Variants in NFILZ observed in about 807,000 individuals in gnomAD.
The protein encoded by NFILZ is NFIL3 like basic leucine zipper.
At position 8,668,343 on chromosome 19, in the gene NFILZ, C is replaced by G. The variant is rs782247652; in HGVS notation, c.-163-6208C>G. On this transcript the variant is annotated intron_variant, in intron 3 of 5. Coordinates refer to ENST00000691075, the MANE Select transcript of NFILZ (RefSeq NM_001378600.1). ...TTTTCAATCTGTGGTTGGTTGAATC[C>G]ATGGATATGGAACCCGAGGATACAG... Among the ~76,000 whole-genome samples the G allele has an allele frequency of 1.4e-4, 20 of 147,664 alleles. No individual in the cohort carries two copies. In the East Asian group the frequency reaches 1.9e-3, roughly 14 times the overall value.
intron 3 of NFILZ, among the ~76,000 whole-genome samples, chr19:8,660,563 C>T (rs2043024973): frequency 7.7e-6 from 1 of 129,138 alleles, no homozygotes; most frequent in Non-Finnish European, 1.7e-5. Context: ...CTCCTTCCTT[C>T]CTTCCTCCCC....
chr19:8,652,993 TTCCTTCCTTCCTTCCTTC>T (rs2042973198), intron 3 of NFILZ, among the ~76,000 whole-genome samples: 13 of 41,658 alleles, frequency 3.1e-4, no homozygotes, highest in African/African-American at 9.0e-4. Context: ...CCTTCCTTCC[TTCCTTCCTTCCTTCCTTC>T]CTTTCTTTCT....
At chr19:8,660,216 C>T (rs1050048250) in intron 3 of NFILZ, among the ~76,000 whole-genome samples, 12 of 152,266 alleles carry the variant, frequency 7.9e-5, no homozygotes, top group African/African-American at 2.9e-4. Flanking sequence ...CTCTCTGGGC[C>T]TCCGGGGGAA....
chr19:8,653,038 T>TTCTCTCTCCCTCTCTCTCTCTC (rs2042975354), intron 3 of NFILZ, among the ~76,000 whole-genome samples: 4 of 90,594 alleles, frequency 4.4e-5, no homozygotes, highest in Admixed American at 1.3e-4. Context: ...CTTTCTTTCT[T>TTCTCTCTCCCTCTCTCTCTCTC]TCTCTCTCTC....
At position 8,656,299 on chromosome 19, in the gene NFILZ, C is replaced by CTTCCCTGAAGCCCACCTT. The variant is rs2042994727; in HGVS notation, c.-163-18252_-163-18251insTTCCCTGAAGCCCACCTT. Among the ~76,000 whole-genome samples, 298 of 138,154 alleles carry CTTCCCTGAAGCCCACCTT rather than the reference C, an allele frequency of 2.2e-3. 10 individuals are homozygous for CTTCCCTGAAGCCCACCTT. The highest frequency in any genetic ancestry group is 7.7e-3 in the Middle Eastern group (2 of 260). The allele number at this position is 138,154 out of a possible 152,430, so 90.6% of individuals were successfully genotyped here. A position where few individuals can be genotyped will look rare whatever the true frequency, so the allele number is the denominator to read the frequency against. On this transcript the variant is annotated intron_variant, in intron 3 of 5. Coordinates refer to ENST00000691075, the MANE Select transcript of NFILZ (RefSeq NM_001378600.1). Reference sequence around the variant, plus strand: ...CCCACCTTCTCCCCACAGCCCACCTCCTCCCGCAGCGCACCTCCTCCCTGA... The same window carrying CTTCCCTGAAGCCCACCTT: ...CCCACCTTCTCCCCACAGCCCACCTCTTCCCTGAAGCCCACCTTCTCCCGCAGCGCACCTCCTCCCTGA...
intron 3 of NFILZ, among the ~76,000 whole-genome samples, chr19:8,662,285 G>C (rs1217339717): frequency 6.6e-6 from 1 of 151,998 alleles, no homozygotes; most frequent in Non-Finnish European, 1.5e-5. Context: ...GAAAGTGAGT[G>C]TGTAAGTGTG....
At chr19:8,655,562 C>T (rs1430148009) in intron 3 of NFILZ, among the ~76,000 whole-genome samples, 2 of 152,156 alleles carry the variant, frequency 1.3e-5, no homozygotes, top group Non-Finnish European at 2.9e-5. Flanking sequence ...CTACCTCCAC[C>T]GCGGGAGGTT....
At chr19:8,666,465 G>A (rs1024895578) in intron 3 of NFILZ, among the ~76,000 whole-genome samples, 4 of 151,576 alleles carry the variant, frequency 2.6e-5, no homozygotes, top group Non-Finnish European at 5.9e-5. Context: ...GTGCGCCACC[G>A]TGCCCAGCCT....
At chr19:8,670,838 T>C (rs1281590982) in intron 3 of NFILZ, among the ~76,000 whole-genome samples, 2 of 151,976 alleles carry the variant, frequency 1.3e-5, no homozygotes, top group African/African-American at 4.8e-5. Context: ...GTACTAAAAA[T>C]ACAAAAATTA....
chr19:8,656,305 G>T (rs879140649), intron 3 of NFILZ, among the ~76,000 whole-genome samples: 44 of 28,094 alleles, frequency 1.6e-3, no homozygotes, highest in African/African-American at 3.1e-3. Context: ...ACCTCCTCCC[G>T]CAGCGCACCT....
chr19:8,650,868 C>G (rs2042962089), intron 3 of NFILZ, among the ~76,000 whole-genome samples: 1 of 152,086 alleles, frequency 6.6e-6, no homozygotes, highest in African/African-American at 2.4e-5. Flanking sequence ...GCATTTTCAT[C>G]ATTTATTCTT....
intron 2 of NFILZ, among the ~76,000 whole-genome samples, chr19:8,634,111 C>T (rs1433811397): frequency 1.3e-5 from 2 of 151,990 alleles, no homozygotes; most frequent in African/African-American, 4.8e-5. Flanking sequence ...GATTCTCCTG[C>T]CTCAGCCTCC....
At chr19:8,654,421 C>G (rs1160572273) in intron 3 of NFILZ, among the ~76,000 whole-genome samples, 1 of 151,636 alleles carries the variant, frequency 6.6e-6, no homozygotes, top group Admixed American at 6.6e-5. Context: ...AGTTCGAGAC[C>G]AGCCTGGGCA....
At chr19:8,633,879 CT>C (rs2042881615) in intron 2 of NFILZ, among the ~76,000 whole-genome samples, 6 of 27,496 alleles carry the variant, frequency 2.2e-4, no homozygotes, top group East Asian at 2.7e-3. Context: ...ACTTTTCTCC[CT>C]TCCTTCCTTC....
chr19:8,632,719 T>C (rs370742976), intron 2 of NFILZ, 94 bp downstream of exon 2: 5 of 151,906 alleles, frequency 3.3e-5, no homozygotes, highest in African/African-American at 1.2e-4. Context: ...AGCCATTCTT[T>C]TATTCCTTTT....
chr19:8,667,057 A>T (rs1046283443), intron 3 of NFILZ, among the ~76,000 whole-genome samples: 1 of 151,746 alleles, frequency 6.6e-6, no homozygotes, highest in East Asian at 1.9e-4. Context: ...GCTGTTGGCC[A>T]TCTCTCTCTA....
intron 3 of NFILZ, among the ~76,000 whole-genome samples, chr19:8,637,522 A>G (rs1359651957): frequency 6.6e-6 from 1 of 151,332 alleles, no homozygotes; most frequent in African/African-American, 2.4e-5. Context: ...CTGAGGCAGG[A>G]GAATAGCTTG....
At chr19:8,670,604 A>T (rs187508093) in intron 3 of NFILZ, among the ~76,000 whole-genome samples, 171 of 152,332 alleles carry the variant, frequency 1.1e-3, no homozygotes, top group African/African-American at 3.9e-3. Context: ...AAAGGGGTGG[A>T]TGCCGGAGAC....
At chr19:8,660,650 T>G (rs1344224853) in intron 3 of NFILZ, among the ~76,000 whole-genome samples, 3 of 145,908 alleles carry the variant, frequency 2.1e-5, no homozygotes, top group Non-Finnish European at 4.5e-5. Flanking sequence ...CTTTTTTTTT[T>G]TTTTAAGATG....
Sources: allele counts gnomAD v4.1 joint callset (sites outside exome capture counted in the v4.1 genomes callset), GRCh38; gene constraint gnomAD v4.1.1; transcripts MANE v1.5; gene names NCBI Gene and HGNC (gene_info 2026-07-23, HGNC 2026-07-21).